The following RUVBL1 variants were observed in gnomAD, a reference collection of about 807,000 sequenced individuals.
RUVBL1 encodes the protein ruvB-like 1.
RUVBL1 carries 4 observed loss-of-function variants against 52.4 expected under a neutral mutation model. That is an observed-to-expected ratio of 0.08 (90% confidence interval 0.04 to 0.17). RUVBL1 has a LOEUF of 0.17. RUVBL1 is among the 10% of genes least tolerant of loss of function. The pLI is 1.00. For synonymous variants in RUVBL1, 217 were observed against 214.4 expected, an observed-to-expected ratio of 1.01 and a Z score of -0.10; for missense variants, 298 against 572.8, an observed-to-expected ratio of 0.52 and a Z score of 4.90.
chr3:128,142,149 G>A (rs749219131), intron 1 of RUVBL1, among the ~76,000 whole-genome samples: 7 of 152,192 alleles, frequency 4.6e-5, no homozygotes, highest in Admixed American at 2.6e-4. Flanking sequence ...CAGCAGGCAC[G>A]TCCCAACGCA....
At chr3:128,124,732 G>T (rs892685448), upstream of RUVBL1, among the ~76,000 whole-genome samples, 14 of 152,170 alleles carry the variant, frequency 9.2e-5, no homozygotes, top group African/African-American at 3.1e-4. Context: ...GCTGAGACAG[G>T]TACACCCAGG....
chr3:128,069,095 T>TA (rs1559799893), intron 9 of RUVBL1, among the ~76,000 whole-genome samples: 1 of 152,174 alleles, frequency 6.6e-6, no homozygotes, highest in Non-Finnish European at 1.5e-5. Context: ...GAAGTCACAT[T>TA]AAAAAAGTAA....
At chr3:128,124,544 A>G (rs1271661234), upstream of RUVBL1, among the ~76,000 whole-genome samples, 2 of 152,226 alleles carry the variant, frequency 1.3e-5, no homozygotes, top group African/African-American at 4.8e-5. Context: ...ATCAGCCAGC[A>G]AATTGTCCCT....
chr3:128,146,167 GA>G (rs1373267357), intron 1 of RUVBL1, among the ~76,000 whole-genome samples: 2 of 152,128 alleles, frequency 1.3e-5, no homozygotes, highest in Non-Finnish European at 2.9e-5. Context: ...AGGTTTGGGA[GA>G]AAAATGCTCT....
chr3:128,105,865 CTTTTTTTTTTT>C (rs11311563), intron 3 of RUVBL1, among the ~76,000 whole-genome samples: 7 of 88,912 alleles, frequency 7.9e-5, no homozygotes, highest in Non-Finnish European at 1.3e-4. Flanking sequence ...TTCCCTTTTT[CTTTTTTTTTTT>C]TTTTTTTTTT....
intron 1 of RUVBL1, among the ~76,000 whole-genome samples, chr3:128,140,939 A>G (rs1431452760): frequency 6.6e-6 from 1 of 152,230 alleles, no homozygotes; most frequent in Non-Finnish European, 1.5e-5. Context: ...ACATTTCTCA[A>G]AAAGTATCCC....
intron 8 of RUVBL1, among the ~76,000 whole-genome samples, chr3:128,091,293 CTGGGGGAACGGGGGG>C (rs1942829278): frequency 9.6e-6 from 1 of 103,858 alleles, no homozygotes; most frequent in Non-Finnish European, 1.9e-5. Flanking sequence ...TCAGCAGGAG[CTGGGGGAACGGGGGG>C]TGGGGAGGAT....
At chr3:128,138,935 G>A (rs1258844619) in intron 1 of RUVBL1, among the ~76,000 whole-genome samples, 2 of 152,134 alleles carry the variant, frequency 1.3e-5, no homozygotes, top group Non-Finnish European at 2.9e-5. Flanking sequence ...AGACAAAGGT[G>A]CCAAGAACAT....
At chr3:128,090,496 G>T (rs1227699914) in intron 8 of RUVBL1, among the ~76,000 whole-genome samples, 1 of 152,224 alleles carries the variant, frequency 6.6e-6, no homozygotes, top group Non-Finnish European at 1.5e-5. Flanking sequence ...TCCAGCCTGG[G>T]TGACAGAGTG....
intron 9 of RUVBL1, chr3:128,066,877 C>A: frequency 7.0e-7 from 1 of 1,433,414 alleles, no homozygotes. Context: ...ACTGGACAGT[C>A]CCCGGCCGGG....
chr3:128,067,329 T>C lies in RUVBL1; in HGVS notation c.940-2109A>G, dbSNP rs557313547. The C allele has an allele frequency of 5.7e-6, 8 of 1,405,598 alleles. No homozygotes were observed. The highest frequency in any genetic ancestry group is 2.9e-5 in the African/African-American group (2 of 69,718). The allele number at this position is 1,405,598 out of a possible 1,614,324, so 87.1% of individuals were successfully genotyped here. A position where few individuals can be genotyped will look rare whatever the true frequency, so the allele number is the denominator to read the frequency against. On this transcript the variant is annotated intron_variant, in intron 9 of 9. Transcript: ENST00000464873. This position sits in a 1 kb window ranked among gnomAD's most constrained non-coding sequence, Gnocchi z 4.1. ...ATTGTACTGTGGGCACCGAGTAAAA[T>C]TGCATTCTTTCATCTGCTCAGAACT...
intron 1 of RUVBL1, among the ~76,000 whole-genome samples, chr3:128,130,714 G>A (rs957341433): frequency 1.6e-4 from 24 of 151,252 alleles, no homozygotes; most frequent in Non-Finnish European, 2.9e-4. Flanking sequence ...GCAGTGGCGC[G>A]ATCTCGGCTC....
At chr3:128,153,458 G>C in exon 1 of RUVBL1, 1 of 1,448,310 alleles carries the variant, frequency 6.9e-7, no homozygotes, top group South Asian at 1.4e-5. Flanking sequence ...GGCGACTACC[G>C]AGGGAGGTGA....
At chr3:128,138,175 T>C (rs1943973483) in intron 1 of RUVBL1, among the ~76,000 whole-genome samples, 1 of 152,150 alleles carries the variant, frequency 6.6e-6, no homozygotes, top group African/African-American at 2.4e-5. Context: ...AACATAGTAC[T>C]GGAAGTCCTA....
intron 1 of RUVBL1, among the ~76,000 whole-genome samples, chr3:128,135,350 G>C (rs1256649185): frequency 6.6e-6 from 1 of 152,078 alleles, no homozygotes; most frequent in Non-Finnish European, 1.5e-5. Flanking sequence ...CTGGCAAATA[G>C]GGTGAAACCT....
chr3:128,092,120 A>C (rs1223349648), intron 8 of RUVBL1, among the ~76,000 whole-genome samples: 3 of 152,238 alleles, frequency 2.0e-5, no homozygotes, highest in African/African-American at 7.2e-5. Context: ...TCTTTTCAAC[A>C]AATGGTTCTG....
intron 1 of RUVBL1, among the ~76,000 whole-genome samples, chr3:128,136,189 G>A (rs756005443): frequency 2.7e-5 from 4 of 148,764 alleles, no homozygotes; most frequent in African/African-American, 4.9e-5. Flanking sequence ...AAACAGGAAG[G>A]AAGGAAAAAA....
chr3:128,150,846 TATTCTATATATTATATATTA>T (rs1944184035), intron 1 of RUVBL1, among the ~76,000 whole-genome samples: 3 of 86,372 alleles, frequency 3.5e-5, no homozygotes, highest in African/African-American at 1.5e-4. Flanking sequence ...ATTCTATATA[TATTCTATATATTATATATTA>T]TATATATATA....
rs750471180 is a variant in RUVBL1, at chr3:128,065,088, C to T, written c.*124G>A. ...GTTTCCATGGTCTGGATTTAAGTTT[C>T]AGAATGCCTTGTGTGCAGTCCCCCA... On this transcript the variant is annotated 3_prime_UTR_variant, in exon 10 of 10. Coordinates refer to the RUVBL1 transcript ENST00000464873. 19 of 1,584,778 alleles carry T rather than the reference C, an allele frequency of 1.2e-5. No individual in the cohort carries two copies. In the South Asian group the frequency reaches 1.9e-4, roughly 16 times the overall value.
Sources: allele counts gnomAD v4.1 joint callset (sites outside exome capture counted in the v4.1 genomes callset), GRCh38; gene constraint gnomAD v4.1.1; non-coding constraint Gnocchi (gnomAD v3.1); transcripts MANE v1.5; gene names NCBI Gene and HGNC (gene_info 2026-07-23, HGNC 2026-07-21).